Variants in ARID1B observed in about 807,000 individuals in gnomAD.
ARID1B encodes AT-rich interactive domain-containing protein 1B.
Under a neutral mutation model 212.3 loss-of-function variants are expected in ARID1B, and 30 were observed. That is an observed-to-expected ratio of 0.14 (90% CI 0.11 to 0.19). The LOEUF is 0.19. Ranked by LOEUF, ARID1B falls within the 10% of genes least tolerant of loss-of-function variation. The pLI is 1.00. For missense variants in ARID1B, 2,891 were observed against 3,204.0 expected, an observed-to-expected ratio of 0.90 and a Z score of 2.36; for synonymous variants, 1,402 against 1,301.7, an observed-to-expected ratio of 1.08 and a Z score of -1.66.
At chr6:156,840,358 C>G (rs999277245) in intron 2 of ARID1B, among the ~76,000 whole-genome samples, 1 of 152,264 alleles carries the variant, frequency 6.6e-6, no homozygotes. Flanking sequence ...GCTCTCTTAT[C>G]CCCTCCTGAA....
chr6:156,837,368 A>G (rs1783583819), intron 2 of ARID1B, among the ~76,000 whole-genome samples: 1 of 152,248 alleles, frequency 6.6e-6, no homozygotes, highest in African/African-American at 2.4e-5. Flanking sequence ...ACAAGTATAT[A>G]TTGAACAACA....
rs150978297 is a variant in ARID1B, at chr6:156,955,946, T to C, written c.2247+20370T>C. Among the ~76,000 whole-genome samples, 848 of 152,294 alleles carry C rather than the reference T, an allele frequency of 5.6e-3. 7 individuals carry two copies. Among genetic ancestry groups the C allele is most frequent in the Middle Eastern group, 0.02 (6 of 294 alleles). ...TGTTCTATTTCCTCACCTTCCTGTG[T>C]TCATCTGTGTATCTGCCAAGTGCCC... On this transcript the variant is annotated intron_variant, in intron 4 of 19. Transcript: ENST00000636930. The surrounding 1 kb of genome is among the most constrained non-coding windows in gnomAD (Gnocchi z 4.2).
At chr6:156,812,875 TAA>T (rs774801335) in intron 1 of ARID1B, among the ~76,000 whole-genome samples, 11 of 103,456 alleles carry the variant, frequency 1.1e-4, no homozygotes, top group African/African-American at 1.0e-4. Flanking sequence ...TGGTATGTTA[TAA>T]AAAAAAAAAA....
intron 7 of ARID1B, among the ~76,000 whole-genome samples, chr6:157,141,573 C>T (rs1364159786): frequency 6.6e-6 from 1 of 152,154 alleles, no homozygotes; most frequent in Non-Finnish European, 1.5e-5. Flanking sequence ...GAAAGAGCAG[C>T]ATTGTGTGAT....
chr6:157,059,337 G>A (rs1454661656), intron 4 of ARID1B, among the ~76,000 whole-genome samples: 1 of 152,168 alleles, frequency 6.6e-6, no homozygotes, highest in Non-Finnish European at 1.5e-5. Context: ...ATGGTTTACA[G>A]AATCAGCTAA....
intron 3 of ARID1B, among the ~76,000 whole-genome samples, chr6:156,928,218 T>A (rs1791396607): frequency 6.6e-6 from 1 of 152,132 alleles, no homozygotes; most frequent in Non-Finnish European, 1.5e-5. Flanking sequence ...TAAACTTCCT[T>A]CTGTAGGCCT....
chr6:156,830,547 G>A (rs941003642), intron 2 of ARID1B, among the ~76,000 whole-genome samples: 6 of 151,926 alleles, frequency 3.9e-5, no homozygotes, highest in African/African-American at 1.5e-4. Context: ...TACACTATTC[G>A]ATCTGTATTG....
intron 4 of ARID1B, among the ~76,000 whole-genome samples, chr6:156,993,269 T>TG (rs1778374068): frequency 6.6e-6 from 1 of 152,210 alleles, no homozygotes. Context: ...CTTGAACTCC[T>TG]GACCTCAGGT....
At chr6:156,893,223 A>C (rs1788101244) in intron 2 of ARID1B, among the ~76,000 whole-genome samples, 1 of 151,378 alleles carries the variant, frequency 6.6e-6, no homozygotes, top group Admixed American at 6.6e-5. Flanking sequence ...TTGTATTTTC[A>C]CCACATTGGC....
chr6:156,829,110 A>T, intron 1 of ARID1B, 117 bp from the exon 2 acceptor site: 1 of 821,922 alleles, frequency 1.2e-6, no homozygotes, highest in Non-Finnish European at 1.9e-6. Flanking sequence ...CATTGTTTTT[A>T]ATATTTTTAA....
At chr6:156,921,857 T>G (rs1344662665) in intron 3 of ARID1B, among the ~76,000 whole-genome samples, 1 of 152,084 alleles carries the variant, frequency 6.6e-6, no homozygotes, top group African/African-American at 2.4e-5. Context: ...TTCTCTAGCT[T>G]TTTTTTTCTT....
chr6:157,088,421 CA>C (rs2128470145), intron 5 of ARID1B, among the ~76,000 whole-genome samples: 1 of 152,316 alleles, frequency 6.6e-6, no homozygotes, highest in East Asian at 1.9e-4. Flanking sequence ...GGAATTTACT[CA>C]AAGCTCATGA....
intron 6 of ARID1B, among the ~76,000 whole-genome samples, chr6:157,127,271 A>T (rs1434830765): frequency 1.3e-5 from 2 of 152,180 alleles, no homozygotes; most frequent in Non-Finnish European, 2.9e-5. Flanking sequence ...TAGAATCTGC[A>T]CAGCAGACGT....
At chr6:157,154,576 T>TTG (rs1385150877) in intron 8 of ARID1B, among the ~76,000 whole-genome samples, 3 of 144,758 alleles carry the variant, frequency 2.1e-5, no homozygotes, top group Admixed American at 6.9e-5. Context: ...CTGTTTTTTT[T>TTG]TTTGTTTTTT....
At chr6:157,008,244 G>C (rs201517924) in intron 4 of ARID1B, among the ~76,000 whole-genome samples, 2 of 152,122 alleles carry the variant, frequency 1.3e-5, no homozygotes, top group East Asian at 3.9e-4. Context: ...CTGTGTAGCC[G>C]TCACCACCAT....
chr6:156,874,541 C>A (rs1011526362), intron 2 of ARID1B, among the ~76,000 whole-genome samples: 17 of 152,152 alleles, frequency 1.1e-4, no homozygotes, highest in African/African-American at 3.4e-4. Flanking sequence ...ACACATTTCC[C>A]CCAAACTAAA....
At chr6:156,886,934 G>A (rs1321960265) in intron 2 of ARID1B, among the ~76,000 whole-genome samples, 3 of 152,174 alleles carry the variant, frequency 2.0e-5, no homozygotes, top group African/African-American at 7.2e-5. Flanking sequence ...AAGCTGCAAG[G>A]AGTTAGTTTT....
In ARID1B at chr6:156,829,406, G is replaced by A. The variant is rs752168831; in HGVS notation, c.1971G>A (p.Gln657=). ...CTCCCGGGGCCATGGCCGGAATGCA[G>A]TACCCTCAGCAGCAGGTTTGTGCTG... ...GRTPGAMAGM[Q]YPQQQMPPQY... Residue 657 remains glutamine, a synonymous_variant, in exon 2 of 20, where the codon CAG becomes CAA. Coordinates refer to ENST00000636930, the MANE Select transcript of ARID1B (RefSeq NM_001374828.1). 1.2e-6 allele frequency: 2 copies of A among 1,614,096 alleles called. No homozygotes were observed. Among genetic ancestry groups the A allele is most frequent in the Admixed American group, 3.3e-5 (2 of 60,014 alleles).
In ARID1B at chr6:157,127,732, C is replaced by T. The variant is rs569274087; in HGVS notation, c.2582-5296C>T. On this transcript the variant is annotated intron_variant, in intron 6 of 19. Transcript: ENST00000636930. ...TGGAAGTTGCAGTGAGCCAAGATCG[C>T]GCCACTGTGCCACTACACTCCAGCC... is the stretch of plus-strand genomic sequence containing the variant. Among the ~76,000 whole-genome samples, 15 of 146,360 alleles carry T rather than the reference C, an allele frequency of 1.0e-4. No individual in the cohort carries two copies. In the Middle Eastern group the frequency reaches 0.01, roughly 102 times the overall value.
Sources: allele counts gnomAD v4.1 joint callset (sites outside exome capture counted in the v4.1 genomes callset), GRCh38; gene constraint gnomAD v4.1.1; non-coding constraint Gnocchi (gnomAD v3.1); transcripts MANE v1.5; gene names NCBI Gene and HGNC (gene_info 2026-07-23, HGNC 2026-07-21).